Variants in SGIP1 observed in about 807,000 individuals in gnomAD.
SGIP1 encodes SH3-containing GRB2-like protein 3-interacting protein 1.
Under a neutral mutation model 107.5 loss-of-function variants are expected in SGIP1, and 38 were observed. The ratio of observed to expected loss-of-function variants is 0.35; its 90% CI spans 0.27 to 0.46. The LOEUF (loss-of-function observed/expected upper bound fraction) is 0.46, where lower values mean the gene tolerates loss of function less well. Among genes scored for constraint, SGIP1 ranks in the 20% least tolerant of loss-of-function variants. The probability of loss-of-function intolerance (pLI) is 1.00; values close to 1 mark genes in which losing one functional copy is unlikely to be tolerated. For missense variants in SGIP1, 929 were observed against 1,019.5 expected, an observed-to-expected ratio of 0.91 and a Z score of 1.21; for synonymous variants, 365 against 366.1, an observed-to-expected ratio of 1.00 and a Z score of 0.03.
At chr1:66,676,059 G>A (rs113520210) in intron 12 of SGIP1, among the ~76,000 whole-genome samples, 18 of 152,280 alleles carry the variant, frequency 1.2e-4, no homozygotes, top group African/African-American at 4.3e-4. Flanking sequence ...CTTGTGATAC[G>A]TGTTTTATAG....
intron 5 of SGIP1, among the ~76,000 whole-genome samples, chr1:66,642,323 C>T (rs762938350): frequency 4.6e-5 from 7 of 152,174 alleles, no homozygotes; most frequent in Non-Finnish European, 5.9e-5. Flanking sequence ...GAAGGAGCTC[C>T]TACTCTGCCC....
chr1:66,625,387 T>C (rs1213735945), intron 1 of SGIP1, among the ~76,000 whole-genome samples: 3 of 152,202 alleles, frequency 2.0e-5, no homozygotes, highest in East Asian at 1.9e-4. Context: ...AAAGATAAGA[T>C]GGGAATACGA....
At chr1:66,639,869 T>A in intron 5 of SGIP1, 36 bp downstream of exon 5, 1 of 1,555,396 alleles carries the variant, frequency 6.4e-7, no homozygotes, top group South Asian at 1.1e-5. Flanking sequence ...TTATTAAGTA[T>A]TTTACAGTTT....
At chr1:66,534,835 G>A (rs1282950475) in intron 1 of SGIP1, among the ~76,000 whole-genome samples, 1 of 152,182 alleles carries the variant, frequency 6.6e-6, no homozygotes. Context: ...ATTCTCATAA[G>A]GTATTTTTAT....
At chr1:66,685,697 G>A (rs2150045790) in intron 15 of SGIP1, among the ~76,000 whole-genome samples, 1 of 152,294 alleles carries the variant, frequency 6.6e-6, no homozygotes, top group South Asian at 2.1e-4. Context: ...CAATACAGTA[G>A]TACCTAGCCG....
At chr1:66,655,079 G>A (rs1054877072) in intron 7 of SGIP1, among the ~76,000 whole-genome samples, 2 of 152,014 alleles carry the variant, frequency 1.3e-5, no homozygotes, top group African/African-American at 4.8e-5. Context: ...TTTCATCCAT[G>A]CCTCTTCTCA....
chr1:66,534,530 A>T (rs2053106059), intron 1 of SGIP1, among the ~76,000 whole-genome samples, 162 bp downstream of exon 1: 1 of 152,212 alleles, frequency 6.6e-6, no homozygotes. Context: ...CTGGGCTCAG[A>T]CTAATGGAAT....
chr1:66,592,841 G>T (rs769324401), intron 1 of SGIP1, among the ~76,000 whole-genome samples: 2 of 139,600 alleles, frequency 1.4e-5, no homozygotes, highest in Non-Finnish European at 3.1e-5. Flanking sequence ...CATACAGTAT[G>T]TATGTAGCCT....
At chr1:66,715,977 C>T (rs2093216664) in intron 18 of SGIP1, among the ~76,000 whole-genome samples, 1 of 152,116 alleles carries the variant, frequency 6.6e-6, no homozygotes, top group Admixed American at 6.6e-5. Context: ...TACTATGGTT[C>T]AAGCGCGGTG....
rs576506103 is a variant in SGIP1 at position 66,689,378 on chromosome 1, C to T, written c.1443+103C>T. 5.7e-5 allele frequency: 81 copies of T among 1,412,588 alleles called. No homozygotes were observed. In the African/African-American group the frequency reaches 1.1e-3, roughly 19 times the overall value. 87.5% of individuals were successfully genotyped at this position (1,412,588 alleles called of 1,614,324 possible). ...GCGTTTAGAGAACTCGTACAAACAA[C>T]CCTGACAGGTGGCATCTGAAAGACA... On this transcript the variant is annotated intron_variant, in intron 16 of 24. Transcript: ENST00000371037.
intron 1 of SGIP1, among the ~76,000 whole-genome samples, chr1:66,598,784 C>T (rs546924096): frequency 3.0e-4 from 45 of 152,316 alleles, no homozygotes; most frequent in African/African-American, 9.4e-4. Context: ...TCCGACCCCA[C>T]GATCCAATCA....
chr1:66,617,870 T>A (rs1222377789), intron 1 of SGIP1, among the ~76,000 whole-genome samples: 2 of 152,180 alleles, frequency 1.3e-5, no homozygotes, highest in Non-Finnish European at 2.9e-5. Context: ...TTGTTTTTAA[T>A]AAGAGGATAA....
At chr1:66,669,671 G>A (rs112169978) in intron 9 of SGIP1, among the ~76,000 whole-genome samples, 2 of 152,134 alleles carry the variant, frequency 1.3e-5, no homozygotes, top group African/African-American at 2.4e-5. Flanking sequence ...TTATTAGAAA[G>A]TATTTATAAA....
At chr1:66,619,831 C>T (rs777469242) in intron 1 of SGIP1, among the ~76,000 whole-genome samples, 6 of 151,882 alleles carry the variant, frequency 4.0e-5, no homozygotes, top group South Asian at 2.1e-4. Context: ...CTCCACTTGG[C>T]GATCTACAGA....
intron 15 of SGIP1, among the ~76,000 whole-genome samples, chr1:66,688,807 A>T (rs1280324911): frequency 6.6e-6 from 1 of 152,174 alleles, no homozygotes; most frequent in Non-Finnish European, 1.5e-5. Flanking sequence ...AGAATTTATT[A>T]TGTGTTTAAT....
At chr1:66,585,555 A>G (rs2062469415) in intron 1 of SGIP1, among the ~76,000 whole-genome samples, 1 of 136,402 alleles carries the variant, frequency 7.3e-6, no homozygotes, top group Non-Finnish European at 1.6e-5. Context: ...GAAAAATTAA[A>G]AAGAGCTTTG....
chr1:66,604,495 T>C (rs1340039235), intron 1 of SGIP1, among the ~76,000 whole-genome samples: 1 of 152,242 alleles, frequency 6.6e-6, no homozygotes. Context: ...AGTCGTTTTC[T>C]ACATTAAGCT....
chr1:66,668,074 G>T (rs1291329728), intron 9 of SGIP1, among the ~76,000 whole-genome samples: 1 of 152,120 alleles, frequency 6.6e-6, no homozygotes, highest in Non-Finnish European at 1.5e-5. Context: ...ATATTCCTAG[G>T]CTATCACATA....
chr1:66,556,808 C>G (rs1419036062), intron 1 of SGIP1, among the ~76,000 whole-genome samples: 2 of 152,066 alleles, frequency 1.3e-5, no homozygotes, highest in African/African-American at 2.4e-5. Flanking sequence ...AACTGTCCCC[C>G]CATTGGTTAG....
Sources: allele counts gnomAD v4.1 joint callset (sites outside exome capture counted in the v4.1 genomes callset), GRCh38; gene constraint gnomAD v4.1.1; transcripts MANE v1.5; gene names NCBI Gene and HGNC (gene_info 2026-07-23, HGNC 2026-07-21).